Variants in SLAIN2 observed in about 807,000 individuals in gnomAD.
SLAIN2 encodes the protein SLAIN motif-containing protein 2.
SLAIN2 carries 31 observed loss-of-function variants against 56.6 expected under a neutral mutation model. The ratio of observed to expected loss-of-function variants is 0.55; its 90% CI spans 0.41 to 0.74. The LOEUF (loss-of-function observed/expected upper bound fraction) is 0.74, where lower values mean the gene tolerates loss of function less well. Ranked by LOEUF, SLAIN2 falls within the 30% of genes least tolerant of loss-of-function variation. SLAIN2 has a pLI of 0.00. For missense variants in SLAIN2, 777 were observed against 754.2 expected (o/e 1.03, Z -0.35); for synonymous variants, 317 against 284.9 (o/e 1.11, Z -1.13).
intron 6 of SLAIN2, 125 bp from the exon 7 acceptor site, chr4:48,420,000 T>C (rs1321553579): frequency 1.1e-6 from 1 of 904,372 alleles, no homozygotes; most frequent in African/African-American, 1.7e-5. Context: ...TTTTATTGTT[T>C]GCATTGCTGT....
chr4:48,388,828 G>A (rs919144692), intron 6 of SLAIN2, among the ~76,000 whole-genome samples: 1 of 152,194 alleles, frequency 6.6e-6, no homozygotes, highest in African/African-American at 2.4e-5. Flanking sequence ...AAATAATTTA[G>A]TGAGATATTA....
At chr4:48,369,762 C>G (rs1323675735) in intron 1 of SLAIN2, 87 bp from the exon 2 acceptor site, 1 of 1,224,294 alleles carries the variant, frequency 8.2e-7, no homozygotes, top group Non-Finnish European at 1.1e-6. Flanking sequence ...TCCCTTCTCC[C>G]CTATTTAAAT....
rs377181403 is a variant in SLAIN2, at chr4:48,383,747, C to T, written c.1323C>T (p.Asn441=). 38 of 1,611,890 alleles carry T rather than the reference C, an allele frequency of 2.4e-5. No homozygotes were observed. The highest frequency in any genetic ancestry group is 8.0e-5 in the African/African-American group (6 of 74,876). ...SRSDSNFQVP[N]GGIPRMQPQA... is the part of the protein sequence containing the mutation. ...GTGACTCAAATTTTCAAGTGCCAAA[C>T]GGAGGAATACCTCGTATGCAACCTC... is the stretch of plus-strand genomic sequence containing the variant. The change falls in exon 6 of 8, where the codon AAC becomes AAT. Residue 441 remains asparagine (N), a synonymous_variant. Coordinates refer to ENST00000264313, the MANE Select transcript of SLAIN2 (RefSeq NM_020846.2).
intron 6 of SLAIN2, among the ~76,000 whole-genome samples, chr4:48,406,816 T>A (rs1270075215): frequency 6.6e-6 from 1 of 152,166 alleles, no homozygotes; most frequent in African/African-American, 2.4e-5. Flanking sequence ...TGTCTAGATA[T>A]GAAATCTTTG....
intron 2 of SLAIN2, among the ~76,000 whole-genome samples, chr4:48,373,029 G>GT (rs1195459680): frequency 6.6e-6 from 1 of 151,470 alleles, no homozygotes. Flanking sequence ...TTCTTCACTT[G>GT]TTTTTTTTGA....
chr4:48,377,266 T>C (rs2109758785), intron 2 of SLAIN2, among the ~76,000 whole-genome samples: 1 of 151,192 alleles, frequency 6.6e-6, no homozygotes, highest in Non-Finnish European at 1.5e-5. Flanking sequence ...CACTGCAACC[T>C]CTGCCTCCCG....
chr4:48,396,940 T>C (rs775581850), intron 6 of SLAIN2, among the ~76,000 whole-genome samples: 4 of 152,192 alleles, frequency 2.6e-5, no homozygotes, highest in Non-Finnish European at 4.4e-5. Flanking sequence ...GCTACTAAAG[T>C]CAAAAAAGGA....
intron 1 of SLAIN2, among the ~76,000 whole-genome samples, chr4:48,352,722 A>G (rs1016371615): frequency 1.4e-4 from 22 of 152,202 alleles, no homozygotes; most frequent in African/African-American, 4.8e-4. Flanking sequence ...AATAACTAGT[A>G]CTGTATTGCA....
At chr4:48,358,552 G>A (rs1183347677) in intron 1 of SLAIN2, among the ~76,000 whole-genome samples, 1 of 152,126 alleles carries the variant, frequency 6.6e-6, no homozygotes, top group African/African-American at 2.4e-5. Context: ...CTGACCTCAG[G>A]TGATCCGCCT....
rs1459970685 is a variant in SLAIN2, at chr4:48,423,786, G to A, written c.*1709G>A. Reference sequence around the variant, plus strand: ...GAAGAAACTTTATCCTTGAATTTGAGGGTGATGGGGTGGGTCAGGAAAGGA... The same window carrying A: ...GAAGAAACTTTATCCTTGAATTTGAAGGTGATGGGGTGGGTCAGGAAAGGA... On this transcript the variant is annotated 3_prime_UTR_variant, in exon 8 of 8. Coordinates refer to ENST00000264313, the MANE Select transcript of SLAIN2 (RefSeq NM_020846.2). The A allele has an allele frequency of 6.6e-6, 1 of 152,128 alleles. No homozygotes were observed. The highest frequency in any genetic ancestry group is 6.6e-5 in the Admixed American group (1 of 15,264). 9.4% of individuals were successfully genotyped at this position (152,128 alleles called of 1,614,324 possible).
At position 48,369,890 on chromosome 4, in the gene SLAIN2, A is replaced by G. The variant is rs1230708610; in HGVS notation, c.431A>G (p.Lys144Arg). Residue 144 changes from lysine (K) to arginine (R), a missense_variant, in exon 2 of 8, where the codon AAA (lysine) becomes AGA (arginine). Coordinates refer to ENST00000264313, the MANE Select transcript of SLAIN2 (RefSeq NM_020846.2). ...SPKKKLTPMQ[K>R]SVSPLVWCRQ... is the part of the protein sequence containing the mutation. ...AAGAAAAAACTTACACCAATGCAGA[A>G]ATCGGTTAGTCCATTAGTTTGGTGC... 17 of 1,613,668 alleles carry G rather than the reference A, an allele frequency of 1.1e-5. No individual in the cohort carries two copies. Among genetic ancestry groups the G allele is most frequent in the Non-Finnish European group, 1.4e-5 (17 of 1,179,690 alleles).
intron 2 of SLAIN2, among the ~76,000 whole-genome samples, chr4:48,372,063 T>C (rs200296547): frequency 3.0e-4 from 40 of 132,218 alleles, no homozygotes; most frequent in African/African-American, 6.8e-4. Context: ...TATATATATA[T>C]ACACACACAC....
intron 3 of SLAIN2, 40 bp downstream of exon 3, chr4:48,378,100 T>C: frequency 1.3e-6 from 2 of 1,589,576 alleles, no homozygotes; most frequent in Non-Finnish European, 1.7e-6. Flanking sequence ...GGAATGTTTT[T>C]TAGCTTACTG....
chr4:48,377,613 C>G (rs1417525405), intron 2 of SLAIN2, among the ~76,000 whole-genome samples: 1 of 152,076 alleles, frequency 6.6e-6, no homozygotes, highest in African/African-American at 2.4e-5. Context: ...AATAAACTTT[C>G]CAACATAGTA....
At chr4:48,388,209 C>G (rs905402321) in intron 6 of SLAIN2, among the ~76,000 whole-genome samples, 1 of 152,036 alleles carries the variant, frequency 6.6e-6, no homozygotes, top group Non-Finnish European at 1.5e-5. Flanking sequence ...ATAACTATTA[C>G]CAATTTTTGA....
chr4:48,350,245 G>C (rs1309317380), intron 1 of SLAIN2, among the ~76,000 whole-genome samples: 1 of 152,112 alleles, frequency 6.6e-6, no homozygotes, highest in Non-Finnish European at 1.5e-5. Flanking sequence ...CCCCATCTTT[G>C]GGGCCTCCGT....
intron 1 of SLAIN2, among the ~76,000 whole-genome samples, chr4:48,366,539 T>C (rs1378670298): frequency 1.3e-5 from 2 of 152,256 alleles, no homozygotes; most frequent in Non-Finnish European, 2.9e-5. Flanking sequence ...AGTAATCTTT[T>C]ATATCTTAAA....
intron 1 of SLAIN2, among the ~76,000 whole-genome samples, chr4:48,345,300 CTCT>C (rs1714832285): frequency 6.6e-6 from 1 of 152,244 alleles, no homozygotes; most frequent in Admixed American, 6.5e-5. Flanking sequence ...GCATTCCCTT[CTCT>C]TCTTCAGAGT....
chr4:48,422,327 C>G lies in SLAIN2; in HGVS notation c.*250C>G. ...CACTTTTAGTTTTGTTTAATAGAAA[C>G]TAGGTTGATTTTTAAAAAATATTTG... is the stretch of plus-strand genomic sequence containing the variant. On this transcript the variant is annotated 3_prime_UTR_variant, in exon 8 of 8. Transcript: ENST00000264313. 2.9e-6 allele frequency: 1 copy of G among 341,582 alleles called. No individual in the cohort carries two copies. Among genetic ancestry groups the G allele is most frequent in the Non-Finnish European group, 5.3e-6 (1 of 188,288 alleles). 21.2% of individuals were successfully genotyped at this position (341,582 alleles called of 1,614,324 possible). A position where few individuals can be genotyped will look rare whatever the true frequency, so the allele number is the denominator to read the frequency against.
Sources: allele counts gnomAD v4.1 joint callset (sites outside exome capture counted in the v4.1 genomes callset), GRCh38; gene constraint gnomAD v4.1.1; transcripts MANE v1.5; gene names NCBI Gene and HGNC (gene_info 2026-07-23, HGNC 2026-07-21).